DNAH14: variants seen among roughly 807,000 people sequenced by gnomAD.
DNAH14 encodes the protein axonemal beta dynein heavy chain 14.
Under a neutral mutation model 520.9 loss-of-function variants are expected in DNAH14, and 478 were observed. The observed-to-expected ratio is 0.92, with a 90% CI of 0.85 to 0.99. The LOEUF is 0.99. Among genes scored for constraint, DNAH14 ranks in the 50% least tolerant of loss-of-function variants. The pLI is 0.00. For missense variants in DNAH14, 4,831 were observed against 5,234.5 expected, an observed-to-expected ratio of 0.92 and a Z score of 2.38; for synonymous variants, 1,581 against 1,757.2, an observed-to-expected ratio of 0.90 and a Z score of 2.51.
intron 1 of DNAH14, among the ~76,000 whole-genome samples, chr1:224,938,867 C>G (rs542382715): frequency 6.6e-6 from 1 of 151,798 alleles, no homozygotes; most frequent in African/African-American, 2.4e-5. Context: ...AAAAAAGAAC[C>G]CTGTCGTTTA....
intron 80 of DNAH14, 136 bp from the exon 81 acceptor site, chr1:225,381,247 C>T: frequency 1.2e-6 from 1 of 833,938 alleles, no homozygotes; most frequent in Non-Finnish European, 1.9e-6. Context: ...TGCTATCTGA[C>T]CTTCTACAGA....
chr1:225,316,049 C>T (rs1279843701), intron 60 of DNAH14, among the ~76,000 whole-genome samples: 3 of 152,224 alleles, frequency 2.0e-5, no homozygotes, highest in African/African-American at 7.2e-5. Flanking sequence ...GATGCCCTGC[C>T]CAGACAGGAG....
intron 34 of DNAH14, among the ~76,000 whole-genome samples, chr1:225,158,294 A>G (rs1220259415): frequency 1.3e-5 from 2 of 152,172 alleles, no homozygotes; most frequent in African/African-American, 4.8e-5. Context: ...AATTTGGCTT[A>G]AATAGTAGAG....
At chr1:225,306,153 C>T (rs1418437301) in intron 58 of DNAH14, among the ~76,000 whole-genome samples, 1 of 152,234 alleles carries the variant, frequency 6.6e-6, no homozygotes, top group African/African-American at 2.4e-5. Flanking sequence ...CTGACATTTA[C>T]ATAAGCAGCA....
chr1:225,331,155 C>CA (rs924548305), intron 64 of DNAH14, among the ~76,000 whole-genome samples: 4 of 151,118 alleles, frequency 2.6e-5, no homozygotes, highest in Non-Finnish European at 4.4e-5. Context: ...ATTTTATTTG[C>CA]AAAAAATAAA....
rs2072999293 is a variant in DNAH14 at position 225,080,524 on chromosome 1, C to G, written c.2912C>G (p.Ser971Cys). 1 of 1,551,840 alleles carries G rather than the reference C, an allele frequency of 6.4e-7. No homozygotes were observed. Among genetic ancestry groups the G allele is most frequent in the East Asian group, 2.4e-5 (1 of 40,902 alleles). Residue 971 changes from serine (S) to cysteine (C), a missense_variant, in exon 19 of 86, where the codon TCT (serine) becomes TGT (cysteine). Ser to Cys is a moderately radical substitution (Grantham distance 112). Coordinates refer to ENST00000682510, the MANE Select transcript of DNAH14 (RefSeq NM_001367479.1). ...HYQDCFSDSQ[S>C]HMHSVNVEEI... ...CAGGATTGTTTCAGTGATTCTCAAT[C>G]TCATATGCATTCTGTTAATGTGGAA...
At chr1:225,335,212 T>C (rs2094912662) in intron 66 of DNAH14, among the ~76,000 whole-genome samples, 1 of 139,186 alleles carries the variant, frequency 7.2e-6, no homozygotes, top group African/African-American at 2.5e-5. Context: ...CACGTACATG[T>C]GTGTATATAT....
At chr1:225,035,081 A>G (rs1013804152) in intron 11 of DNAH14, among the ~76,000 whole-genome samples, 1 of 151,570 alleles carries the variant, frequency 6.6e-6, no homozygotes, top group Non-Finnish European at 1.5e-5. Flanking sequence ...ATGTGTCTCA[A>G]TTTCCTTCTG....
chr1:224,932,652 G>T (rs1276493892), intron 1 of DNAH14, among the ~76,000 whole-genome samples: 1 of 151,988 alleles, frequency 6.6e-6, no homozygotes, highest in Non-Finnish European at 1.5e-5. Flanking sequence ...GCATGTGGCT[G>T]TCCAGTTTTC....
Position 225,100,856 on chromosome 1 carries a change from A to G in DNAH14, c.3839A>G (p.His1280Arg). The G allele has an allele frequency of 3.3e-6, 5 of 1,514,600 alleles. No individual in the cohort carries two copies. The highest frequency in any genetic ancestry group is 3.5e-6 in the Non-Finnish European group (4 of 1,136,928). 93.8% of individuals were successfully genotyped at this position (1,514,600 alleles called of 1,614,324 possible). The change falls in exon 23 of 86, where the codon CAT (histidine) becomes CGT (arginine). Residue 1280 changes from histidine (H) to arginine (R), a missense_variant. By Grantham distance (29) the His-to-Arg change is conservative (BLOSUM62 0). Transcript: ENST00000682510. ...VLEILQNCNI[H>R]LEHIKKSLED... The stretch of plus-strand genomic sequence containing the variant: ...GAAATTCTGCAAAATTGTAATATAC[A>G]TCTTGAACATATAAAGAAAAGCCTT...
intron 8 of DNAH14, among the ~76,000 whole-genome samples, chr1:224,981,192 A>G (rs1183874241): frequency 1.3e-5 from 2 of 152,188 alleles, no homozygotes; most frequent in East Asian, 3.9e-4. Context: ...GTTAGCTAGT[A>G]TATTGTTAAA....
At chr1:225,299,205 G>A (rs1449411956) in intron 55 of DNAH14, among the ~76,000 whole-genome samples, 1 of 151,976 alleles carries the variant, frequency 6.6e-6, no homozygotes, top group African/African-American at 2.4e-5. Flanking sequence ...TTTTTGTTCT[G>A]TTATTTTTCA....
intron 84 of DNAH14, among the ~76,000 whole-genome samples, chr1:225,393,568 G>C (rs752457704): frequency 1.2e-4 from 19 of 152,186 alleles, no homozygotes; most frequent in South Asian, 4.1e-4. Flanking sequence ...GACCAGCTTG[G>C]TATATGTGGT....
intron 42 of DNAH14, among the ~76,000 whole-genome samples, chr1:225,238,583 A>C (rs2091763690): frequency 6.6e-6 from 1 of 152,186 alleles, no homozygotes; most frequent in Non-Finnish European, 1.5e-5. Flanking sequence ...GGTCTCACCC[A>C]GTCAAGAGGA....
intron 10 of DNAH14, among the ~76,000 whole-genome samples, chr1:225,022,218 A>G (rs1456516937): frequency 6.6e-6 from 1 of 152,176 alleles, no homozygotes; most frequent in Non-Finnish European, 1.5e-5. Context: ...CTAGTCCCCA[A>G]ATGCAATTGC....
intron 41 of DNAH14, among the ~76,000 whole-genome samples, chr1:225,227,699 C>A (rs939580036): frequency 6.6e-6 from 1 of 152,044 alleles, no homozygotes; most frequent in African/African-American, 2.4e-5. Flanking sequence ...AGGAGATATC[C>A]CAGACCCCAA....
intron 73 of DNAH14, chr1:225,357,691 A>T: frequency 1.5e-6 from 1 of 670,042 alleles, no homozygotes; most frequent in Non-Finnish European, 2.7e-6. Context: ...GCTGTGTTAA[A>T]CATATTGCCA....
intron 35 of DNAH14, among the ~76,000 whole-genome samples, chr1:225,162,856 G>T (rs1007232053): frequency 1.3e-5 from 2 of 151,870 alleles, no homozygotes; most frequent in African/African-American, 4.8e-5. Flanking sequence ...CTACTGATTG[G>T]CCAGGCGTGG....
At chr1:224,943,859 G>A (rs569362620) in intron 1 of DNAH14, among the ~76,000 whole-genome samples, 5 of 152,024 alleles carry the variant, frequency 3.3e-5, no homozygotes, top group Non-Finnish European at 5.9e-5. Flanking sequence ...GGTCTGAGAG[G>A]TGGTTTGTTA....
Sources: allele counts gnomAD v4.1 joint callset (sites outside exome capture counted in the v4.1 genomes callset), GRCh38; gene constraint gnomAD v4.1.1; transcripts MANE v1.5; gene names NCBI Gene and HGNC (gene_info 2026-07-23, HGNC 2026-07-21).